Variants in PLPP4 observed in about 807,000 individuals in gnomAD.
The protein encoded by PLPP4 is phospholipid phosphatase 4, also known as diacylglycerol pyrophosphate like 2.
In PLPP4, 20 loss-of-function variants were observed where a neutral mutation model predicts 32.2. The observed-to-expected ratio is 0.62, with a 90% CI of 0.44 to 0.90. The LOEUF (loss-of-function observed/expected upper bound fraction) is 0.90. PLPP4 is among the 40% of genes least tolerant of loss of function. PLPP4 has a pLI of 0.00. For missense variants in PLPP4, 257 were observed against 353.1 expected (o/e 0.73, Z 2.18); for synonymous variants, 127 against 133.0 (o/e 0.95, Z 0.31).
intron 5 of PLPP4, among the ~76,000 whole-genome samples, chr10:120,524,361 T>C (rs1330734097): frequency 6.6e-6 from 1 of 152,162 alleles, no homozygotes; most frequent in Non-Finnish European, 1.5e-5. Flanking sequence ...CTCTTTTTTT[T>C]CCTTAAAAAA....
rs146627252 is a variant in PLPP4, at chr10:120,568,967, G to A, written c.446-6164G>A. Among the ~76,000 whole-genome samples the A allele has an allele frequency of 4.6e-3, 703 of 152,246 alleles. 8 individuals are homozygous for A. Among genetic ancestry groups the A allele is most frequent in the African/African-American group, 0.016 (672 of 41,544 alleles). ...AAATCCTTAATCCCCAACCAGGTGC[G>A]GTGGCTCACGACTGTAATCCTAGCA... On this transcript the variant is annotated intron_variant, in intron 5 of 6. Transcript: ENST00000398250.
intron 1 of PLPP4, among the ~76,000 whole-genome samples, chr10:120,499,523 A>G (rs1845137290): frequency 6.6e-6 from 1 of 152,026 alleles, no homozygotes; most frequent in Non-Finnish European, 1.5e-5. Context: ...ATCATGTTAA[A>G]TGCAGACTCT....
At chr10:120,586,009 A>C (rs1314288493) in intron 6 of PLPP4, among the ~76,000 whole-genome samples, 1 of 152,208 alleles carries the variant, frequency 6.6e-6, no homozygotes, top group East Asian at 1.9e-4. Context: ...GTATGGGGAG[A>C]AAGCAGTGAC....
chr10:120,550,110 A>C (rs762845275), intron 5 of PLPP4, among the ~76,000 whole-genome samples: 2 of 151,996 alleles, frequency 1.3e-5, no homozygotes, highest in African/African-American at 4.8e-5. Context: ...GAATAAGTGA[A>C]TTTTGCAAGA....
In PLPP4 at chr10:120,473,896, A is replaced by C. The variant is rs716725; in HGVS notation, c.56+16535A>C. On this transcript the variant is annotated intron_variant, in intron 1 of 6. Coordinates refer to ENST00000398250, the MANE Select transcript of PLPP4 (RefSeq NM_001030059.3). ...GTACAGTGGAACCATGAGCTAGTTA[A>C]ACCTCTTTTCTTTATAAATTACCCA... Among the ~76,000 whole-genome samples the C allele has an allele frequency of 1.2e-3, 187 of 152,290 alleles. 2 individuals are homozygous for C. The South Asian group carries it at 0.026, about 21-fold the overall frequency.
chr10:120,512,188 G>T (rs1397804496), intron 2 of PLPP4, among the ~76,000 whole-genome samples: 1 of 152,158 alleles, frequency 6.6e-6, no homozygotes, highest in South Asian at 2.1e-4. Flanking sequence ...TTAGGTGTGA[G>T]AGCTGCCCAA....
intron 1 of PLPP4, among the ~76,000 whole-genome samples, chr10:120,470,839 G>A (rs1248745770): frequency 6.6e-6 from 1 of 152,168 alleles, no homozygotes; most frequent in Non-Finnish European, 1.5e-5. Flanking sequence ...TCAGGCTCTA[G>A]TGCCAGGATA....
At chr10:120,502,960 C>T (rs932211384) in intron 1 of PLPP4, among the ~76,000 whole-genome samples, 1 of 152,184 alleles carries the variant, frequency 6.6e-6, no homozygotes. Flanking sequence ...TAGGAATCAG[C>T]TTCAGCCACT....
intron 4 of PLPP4, 73 bp from the exon 5 acceptor site, chr10:120,520,898 T>G: frequency 6.4e-7 from 1 of 1,561,888 alleles, no homozygotes. Context: ...CAGTGGGGAG[T>G]TGGGGGGGTC....
chr10:120,499,898 A>G (rs1245258749), intron 1 of PLPP4, among the ~76,000 whole-genome samples: 1 of 152,098 alleles, frequency 6.6e-6, no homozygotes, highest in African/African-American at 2.4e-5. Flanking sequence ...AGGCCTGGGC[A>G]TGTCCTCTCT....
intron 1 of PLPP4, among the ~76,000 whole-genome samples, chr10:120,478,188 GTC>G (rs2133810031): frequency 6.6e-6 from 1 of 152,330 alleles, no homozygotes; most frequent in African/African-American, 2.4e-5. Flanking sequence ...TTGGCTAAAT[GTC>G]AGGACACATA....
At chr10:120,580,105 G>A (rs1367920341) in intron 6 of PLPP4, among the ~76,000 whole-genome samples, 5 of 121,870 alleles carry the variant, frequency 4.1e-5, no homozygotes, top group Non-Finnish European at 8.1e-5. Flanking sequence ...GCGCGACAGA[G>A]CGAGACTCTC....
At position 120,457,250 on chromosome 10, in the gene PLPP4, C is replaced by G; in HGVS notation, c.-56C>G. 2.9e-6 allele frequency: 4 copies of G among 1,386,222 alleles called. No homozygotes were observed. The highest frequency in any genetic ancestry group is 3.8e-6 in the Non-Finnish European group (4 of 1,050,980). The allele number at this position is 1,386,222 out of a possible 1,614,324, so 85.9% of individuals were successfully genotyped here. Reference sequence around the variant, plus strand: ...GTCTGGCGAGCCGGCGCCGGCCGAGCTGCGGGAGCCGCGGAGAGCACCAGC... The same window carrying G: ...GTCTGGCGAGCCGGCGCCGGCCGAGGTGCGGGAGCCGCGGAGAGCACCAGC... On this transcript the variant is annotated 5_prime_UTR_variant, in exon 1 of 7. Transcript: ENST00000398250.
At position 120,519,736 on chromosome 10, in the gene PLPP4, A is replaced by T. The variant is rs2133905664; in HGVS notation, c.320+840A>T. On this transcript the variant is annotated intron_variant, in intron 4 of 6. Transcript: ENST00000398250. ...TGCTTAGGCCCTACTGGAGTTGCAGAGCTGAAGGACCAGTGACCAGGACTG... is the reference window on the plus strand; with the variant it reads ...TGCTTAGGCCCTACTGGAGTTGCAGTGCTGAAGGACCAGTGACCAGGACTG... Among the ~76,000 whole-genome samples, 2 of 152,304 alleles carry T rather than the reference A, an allele frequency of 1.3e-5. 1 individual carries two copies. The highest frequency in any genetic ancestry group is 2.9e-5 in the Non-Finnish European group (2 of 68,028).
At chr10:120,475,856 ACACT>A (rs2133804419) in intron 1 of PLPP4, among the ~76,000 whole-genome samples, 1 of 152,172 alleles carries the variant, frequency 6.6e-6, no homozygotes, top group African/African-American at 2.4e-5. Context: ...GCAGATGGTA[ACACT>A]CACCTTCTTT....
At chr10:120,496,124 A>G (rs1267268700) in intron 1 of PLPP4, among the ~76,000 whole-genome samples, 1 of 152,196 alleles carries the variant, frequency 6.6e-6, no homozygotes, top group Admixed American at 6.5e-5. Context: ...CTGTCATCCT[A>G]GTACTTGACT....
chr10:120,578,614 G>A (rs1315628437), intron 6 of PLPP4, among the ~76,000 whole-genome samples: 1 of 152,106 alleles, frequency 6.6e-6, no homozygotes, highest in African/African-American at 2.4e-5. Context: ...CCATTATCAT[G>A]GTTATTTTCT....
chr10:120,575,460 G>C lies in PLPP4; in HGVS notation c.616+159G>C, dbSNP rs192985911. ...GCGGATAAAATTTTGAAGCAAATAT[G>C]CTGGTTCAAGTGAGGTCTGGCCTTC... is the stretch of plus-strand genomic sequence containing the variant. On this transcript the variant is annotated intron_variant, in intron 6 of 6. Transcript: ENST00000398250. Among the ~76,000 whole-genome samples the C allele has an allele frequency of 2.4e-3, 369 of 152,328 alleles. 7 individuals are homozygous for C. Among genetic ancestry groups the C allele is most frequent in the African/African-American group, 8.4e-3 (348 of 41,576 alleles).
At chr10:120,567,782 C>T (rs948263502) in intron 5 of PLPP4, among the ~76,000 whole-genome samples, 2 of 152,122 alleles carry the variant, frequency 1.3e-5, no homozygotes, top group Non-Finnish European at 2.9e-5. Flanking sequence ...TTAAAATGGC[C>T]TTCCTGACTT....
Sources: allele counts gnomAD v4.1 joint callset (sites outside exome capture counted in the v4.1 genomes callset), GRCh38; gene constraint gnomAD v4.1.1; transcripts MANE v1.5; gene names NCBI Gene and HGNC (gene_info 2026-07-23, HGNC 2026-07-21).